FLRT2: variants seen among roughly 807,000 people sequenced by gnomAD.
FLRT2 encodes leucine-rich repeat transmembrane protein FLRT2.
A neutral mutation model predicts 40.0 loss-of-function variants in FLRT2; 15 were observed. The ratio of observed to expected loss-of-function variants is 0.38; its 90% CI spans 0.25 to 0.58. The LOEUF (loss-of-function observed/expected upper bound fraction) is 0.58. FLRT2 is among the 20% of genes least tolerant of loss of function. The pLI is 0.71. For missense variants in FLRT2, 726 were observed against 840.0 expected, an observed-to-expected ratio of 0.86 and a Z score of 1.68; for synonymous variants, 380 against 336.8, an observed-to-expected ratio of 1.13 and a Z score of -1.41.
rs1271430168 is a variant in FLRT2, at chr14:85,645,303, A to C, written c.*21806A>C. ...ATGTATATACATATATGTATATAGA[A>C]GTATATATACACATATAAATGTGTG... is the stretch of plus-strand genomic sequence containing the variant. On this transcript the variant is annotated 3_prime_UTR_variant, in exon 2 of 2. Coordinates refer to ENST00000330753, the MANE Select transcript of FLRT2 (RefSeq NM_013231.6). 6.6e-6 allele frequency: 1 copy of C among 151,288 alleles called. No homozygotes were observed. Among genetic ancestry groups the C allele is most frequent in the Non-Finnish European group, 1.5e-5 (1 of 67,988 alleles). The allele number at this position is 151,288 out of a possible 1,614,324, so 9.4% of individuals were successfully genotyped here. A position where few individuals can be genotyped will look rare whatever the true frequency, so the allele number is the denominator to read the frequency against.
intron 1 of FLRT2, among the ~76,000 whole-genome samples, chr14:85,598,620 C>A (rs1955426): frequency 6.6e-6 from 1 of 152,020 alleles, no homozygotes; most frequent in East Asian, 1.9e-4. Flanking sequence ...TGTGTGATCA[C>A]AGAGCTGCTT....
rs2139375778 is a variant in FLRT2, at chr14:85,624,574, T to A, written c.*1077T>A. ...CAGTGGTTCTGTTATGTCAGCTGAC[T>A]TTGTTAGTATCATGTTGAAATAGCT... On this transcript the variant is annotated 3_prime_UTR_variant, in exon 2 of 2. Transcript: ENST00000330753. 1 of 167,180 alleles carries A rather than the reference T, an allele frequency of 6.0e-6. No individual in the cohort carries two copies. Among genetic ancestry groups the A allele is most frequent in the South Asian group, 2.1e-4 (1 of 4,830 alleles). The allele number at this position is 167,180 out of a possible 1,614,324, so 10.4% of individuals were successfully genotyped here.
intron 1 of FLRT2, chr14:85,552,876 A>G (rs1889725673): frequency 6.6e-6 from 1 of 152,010 alleles, no homozygotes; most frequent in Non-Finnish European, 1.5e-5. Flanking sequence ...CATGTATCTG[A>G]TGCTTCTGCC....
At chr14:85,546,220 T>C (rs1480034762) in intron 1 of FLRT2, among the ~76,000 whole-genome samples, 2 of 152,220 alleles carry the variant, frequency 1.3e-5, no homozygotes, top group African/African-American at 2.4e-5. Context: ...TCTAGGGTTG[T>C]AATTAAGACC....
At chr14:85,619,563 A>G (rs1360317236) in intron 1 of FLRT2, among the ~76,000 whole-genome samples, 3 of 152,226 alleles carry the variant, frequency 2.0e-5, no homozygotes, top group African/African-American at 7.2e-5. Flanking sequence ...GAACACATTT[A>G]CAACATCCTT....
At chr14:85,556,486 C>G (rs1025861601) in intron 1 of FLRT2, among the ~76,000 whole-genome samples, 2 of 152,182 alleles carry the variant, frequency 1.3e-5, no homozygotes, top group African/African-American at 4.8e-5. Flanking sequence ...CCACATTCAA[C>G]CCTGTAATGT....
rs1894382941 is a variant in FLRT2, at chr14:85,649,452, T to A, written c.*25955T>A. On this transcript the variant is annotated 3_prime_UTR_variant, in exon 2 of 2. Coordinates refer to ENST00000330753, the MANE Select transcript of FLRT2 (RefSeq NM_013231.6). ...ATGTGTGTCTTGAGGCAGAACTTAA[T>A]TCAAAATTGTTCAGTGTTTTGTCAG... 6.6e-6 allele frequency: 1 copy of A among 152,152 alleles called. No homozygotes were observed. The highest frequency in any genetic ancestry group is 2.4e-5 in the African/African-American group (1 of 41,448). The allele number at this position is 152,152 out of a possible 1,614,324, so 9.4% of individuals were successfully genotyped here. A position where few individuals can be genotyped will look rare whatever the true frequency, so the allele number is the denominator to read the frequency against.
In FLRT2 at chr14:85,629,838, G is replaced by C. The variant is rs1353968262; in HGVS notation, c.*6341G>C. On this transcript the variant is annotated 3_prime_UTR_variant, in exon 2 of 2. Coordinates refer to ENST00000330753, the MANE Select transcript of FLRT2 (RefSeq NM_013231.6). ...AGCCTCAAAATTCTTGTCTTTTAAA[G>C]CCCTTGGTCATCCATTCCTATTTTT... The C allele has an allele frequency of 6.6e-6, 1 of 152,126 alleles. No individual in the cohort carries two copies. Among genetic ancestry groups the C allele is most frequent in the Non-Finnish European group, 1.5e-5 (1 of 68,024 alleles). 9.4% of individuals were successfully genotyped at this position (152,126 alleles called of 1,614,324 possible).
chr14:85,579,971 G>C (rs1891313619), intron 1 of FLRT2, among the ~76,000 whole-genome samples: 1 of 148,840 alleles, frequency 6.7e-6, no homozygotes, highest in Non-Finnish European at 1.5e-5. Context: ...ATCCAAAGGG[G>C]TTGATGCCTG....
intron 1 of FLRT2, among the ~76,000 whole-genome samples, chr14:85,551,027 A>G (rs1889590871): frequency 6.6e-6 from 1 of 152,216 alleles, no homozygotes; most frequent in Admixed American, 6.5e-5. Flanking sequence ...CTATGAAAAT[A>G]TATAGCAAAT....
rs1261186300 is a variant in FLRT2, at chr14:85,638,213, T to TTACC, written c.*14718_*14721dup. On this transcript the variant is annotated 3_prime_UTR_variant, in exon 2 of 2. Coordinates refer to ENST00000330753, the MANE Select transcript of FLRT2 (RefSeq NM_013231.6). Reference sequence around the variant, plus strand: ...CAGACGCCACCGCAGAGAGCAAGGTTTACCTGTGTGGTTGGCATTCTTGGA... The same window carrying TTACC: ...CAGACGCCACCGCAGAGAGCAAGGTTTACCTACCTGTGTGGTTGGCATTCTTGGA... The TTACC allele has an allele frequency of 6.6e-6, 1 of 152,158 alleles. No individual in the cohort carries two copies. The highest frequency in any genetic ancestry group is 1.5e-5 in the Non-Finnish European group (1 of 68,056). The allele number at this position is 152,158 out of a possible 1,614,324, so 9.4% of individuals were successfully genotyped here. A position where few individuals can be genotyped will look rare whatever the true frequency, so the allele number is the denominator to read the frequency against.
intron 1 of FLRT2, among the ~76,000 whole-genome samples, chr14:85,567,635 A>ATTTTT (rs34161461): frequency 1.3e-5 from 1 of 75,064 alleles, no homozygotes; most frequent in African/African-American, 4.9e-5. Context: ...AGTGACTTAC[A>ATTTTT]TTTTTTTTTT....
At position 85,633,183 on chromosome 14, in the gene FLRT2, C is replaced by T. The variant is rs1486583055; in HGVS notation, c.*9686C>T. On this transcript the variant is annotated 3_prime_UTR_variant, in exon 2 of 2. Transcript: ENST00000330753. ...ATTCCTCAAAACACTCAATAATTTG[C>T]ACAGCTATTATCAAGATGGGTCTGT... 6.6e-6 allele frequency: 1 copy of T among 152,058 alleles called. No homozygotes were observed. Among genetic ancestry groups the T allele is most frequent in the Non-Finnish European group, 1.5e-5 (1 of 67,994 alleles). 9.4% of individuals were successfully genotyped at this position (152,058 alleles called of 1,614,324 possible). A position where few individuals can be genotyped will look rare whatever the true frequency, so the allele number is the denominator to read the frequency against.
chr14:85,532,307 G>A (rs1209355793), intron 1 of FLRT2, among the ~76,000 whole-genome samples: 1 of 152,224 alleles, frequency 6.6e-6, no homozygotes, highest in African/African-American at 2.4e-5. Flanking sequence ...TCCCTCTTCT[G>A]TTCAGATTCA....
At position 85,624,230 on chromosome 14, in the gene FLRT2, A is replaced by C. The variant is rs1893566675; in HGVS notation, c.*733A>C. ...ATGTGATAACAGAGTTAGAGACTTG[A>C]GTCTGATTTCAGTCATCTTCAGGGA... On this transcript the variant is annotated 3_prime_UTR_variant, in exon 2 of 2. Coordinates refer to ENST00000330753, the MANE Select transcript of FLRT2 (RefSeq NM_013231.6). The C allele has an allele frequency of 6.0e-6, 1 of 167,072 alleles. No homozygotes were observed. The highest frequency in any genetic ancestry group is 6.5e-5 in the Admixed American group (1 of 15,286). 10.3% of individuals were successfully genotyped at this position (167,072 alleles called of 1,614,324 possible).
At position 85,622,791 on chromosome 14, in the gene FLRT2, A is replaced by C; in HGVS notation, c.1277A>C (p.Gln426Pro). 1 of 1,614,160 alleles carries C rather than the reference A, an allele frequency of 6.2e-7. No homozygotes were observed. Among genetic ancestry groups the C allele is most frequent in the South Asian group, 1.1e-5 (1 of 91,086 alleles). Residue 426 changes from glutamine (Q) to proline (P), a missense_variant, in exon 2 of 2, where the codon CAG (glutamine) becomes CCG (proline). Gln to Pro is a moderately conservative substitution (Grantham distance 76). Around this residue, in one of 3 missense-constraint regions of FLRT2, gnomAD observed 611 missense variants for 690.0 expected, o/e 0.89. Coordinates refer to ENST00000330753, the MANE Select transcript of FLRT2 (RefSeq NM_013231.6). ...ACCCCACCTATTTCTGAACGGATCC[A>C]GCTCTCTATCCATTTTGTGAATGAT... is the stretch of plus-strand genomic sequence containing the variant. ...RVTPPISERI[Q>P]LSIHFVNDTS... is the part of the protein sequence containing the mutation.
chr14:85,581,231 C>A (rs1891372650), intron 1 of FLRT2, among the ~76,000 whole-genome samples: 1 of 152,114 alleles, frequency 6.6e-6, no homozygotes, highest in Non-Finnish European at 1.5e-5. Flanking sequence ...GAGGCTTATG[C>A]AAATTAGCTT....
At chr14:85,554,838 T>G (rs576741798) in intron 1 of FLRT2, among the ~76,000 whole-genome samples, 1 of 152,196 alleles carries the variant, frequency 6.6e-6, no homozygotes, top group Non-Finnish European at 1.5e-5. Context: ...AGGATGCCCA[T>G]TAAGAGTTGA....
At chr14:85,610,107 T>A (rs1250599207) in intron 1 of FLRT2, among the ~76,000 whole-genome samples, 3 of 152,176 alleles carry the variant, frequency 2.0e-5, no homozygotes, top group African/African-American at 4.8e-5. Context: ...CATGGCTGTC[T>A]TTACCCAGCA....
Sources: gnomAD v4.1 joint callset for allele counts (sites outside exome capture counted in the v4.1 genomes callset) on GRCh38, gnomAD v4.1.1 for gene constraint, gnomAD v4.1.1 regional missense constraint, MANE v1.5 for transcripts, NCBI Gene and HGNC (gene_info 2026-07-23, HGNC 2026-07-21) for gene names.